ADAM12: variants seen among roughly 807,000 people sequenced by gnomAD.
The protein encoded by ADAM12 is disintegrin and metalloproteinase domain-containing protein 12.
ADAM12 carries 70 observed loss-of-function variants against 106.4 expected under a neutral mutation model. The ratio of observed to expected loss-of-function variants is 0.66; its 90% CI spans 0.54 to 0.80. ADAM12 has a LOEUF of 0.80. ADAM12 is among the 30% of genes least tolerant of loss of function. The probability of loss-of-function intolerance (pLI) is 0.00; values close to 1 mark genes in which losing one functional copy is unlikely to be tolerated. For missense variants in ADAM12, 1,010 were observed against 1,171.9 expected (o/e 0.86, Z 2.02); for synonymous variants, 420 against 433.5 (o/e 0.97, Z 0.39).
chr10:126,345,574 G>A (rs374051165), intron 1 of ADAM12, among the ~76,000 whole-genome samples: 44 of 152,162 alleles, frequency 2.9e-4, no homozygotes, highest in African/African-American at 1.1e-3. Flanking sequence ...TTTTCTATTG[G>A]TTGGAATAGT....
At chr10:126,369,157 A>G (rs560424997) in intron 1 of ADAM12, among the ~76,000 whole-genome samples, 2 of 152,308 alleles carry the variant, frequency 1.3e-5, no homozygotes, top group African/African-American at 2.4e-5. Flanking sequence ...GTGAAAATTC[A>G]TTTACATGAA....
intron 5 of ADAM12, among the ~76,000 whole-genome samples, chr10:126,130,618 G>A (rs1475479919): frequency 1.3e-5 from 2 of 152,192 alleles, no homozygotes; most frequent in Admixed American, 1.3e-4. Flanking sequence ...GCAGAGTCTG[G>A]CCAGCGAGGT....
rs375838432 is a variant in ADAM12 at position 126,369,557 on chromosome 10, A to G, written c.88+18501T>C. ...AGTGTTGGAGTGAGAGTGGGAAAAG[A>G]ACTGTCAGGCAAAGGCAATGAAGAC... On this transcript the variant is annotated intron_variant, in intron 1 of 22. Transcript: ENST00000448723. 1.4e-4 allele frequency among the ~76,000 whole-genome samples: 21 copies of G among 152,276 alleles called. 2 individuals carry two copies. Among genetic ancestry groups the G allele is most frequent in the African/African-American group, 4.8e-4 (20 of 41,558 alleles).
chr10:126,148,867 C>A (rs1280999479), intron 4 of ADAM12, among the ~76,000 whole-genome samples: 3 of 88 alleles, frequency 0.034, no homozygotes, highest in Non-Finnish European at 0.02. Flanking sequence ...TTCTTCCCAG[C>A]CAAAAGCCTC....
At chr10:126,295,870 C>T (rs1393662289) in intron 2 of ADAM12, among the ~76,000 whole-genome samples, 1 of 150,476 alleles carries the variant, frequency 6.6e-6, no homozygotes, top group South Asian at 2.1e-4. Context: ...TAAAAATGAA[C>T]CACTGTCATG....
At chr10:126,096,529 T>C (rs1955561772) in intron 10 of ADAM12, among the ~76,000 whole-genome samples, 1 of 152,260 alleles carries the variant, frequency 6.6e-6, no homozygotes, top group African/African-American at 2.4e-5. Context: ...ACAATCCTGT[T>C]TTCAATTTTA....
chr10:126,379,791 T>C (rs1055151731), intron 1 of ADAM12, among the ~76,000 whole-genome samples: 3 of 152,130 alleles, frequency 2.0e-5, no homozygotes, highest in Non-Finnish European at 4.4e-5. Flanking sequence ...CACATTCAGA[T>C]TCAAGTGAGC....
rs1009335597 is a variant in ADAM12 at position 126,293,139 on chromosome 10, C to A, written c.187-14151G>T. Among the ~76,000 whole-genome samples the A allele has an allele frequency of 3.9e-5, 6 of 152,152 alleles. No homozygotes were observed. In the East Asian group the frequency reaches 1.2e-3, roughly 29 times the overall value. The stretch of plus-strand genomic sequence containing the variant: ...ATCACTGGCATGGCCCCAAAGTGGG[C>A]GCCATCCAGTGCTGTCAATTTGATT... On this transcript the variant is annotated intron_variant, in intron 2 of 22. Transcript: ENST00000448723.
At position 126,135,019 on chromosome 10, in the gene ADAM12, C is replaced by T. The variant is rs191530519; in HGVS notation, c.416+565G>A. Among the ~76,000 whole-genome samples the T allele has an allele frequency of 3.3e-5, 5 of 152,338 alleles. No individual in the cohort carries two copies. In the East Asian group the frequency reaches 9.6e-4, roughly 29 times the overall value. Reference sequence around the variant, plus strand: ...CCAATAACTGTGATGTGGAAGGAAGCGGGCTGTGAGTAACACCTGGGGTTG... The same window carrying T: ...CCAATAACTGTGATGTGGAAGGAAGTGGGCTGTGAGTAACACCTGGGGTTG... On this transcript the variant is annotated intron_variant, in intron 5 of 22. Coordinates refer to ENST00000448723, the MANE Select transcript of ADAM12 (RefSeq NM_001288973.2).
chr10:126,322,684 C>T (rs1027843978), intron 2 of ADAM12, among the ~76,000 whole-genome samples: 1 of 152,230 alleles, frequency 6.6e-6, no homozygotes, highest in Non-Finnish European at 1.5e-5. Context: ...CCATCACCAT[C>T]TCCTTTACAG....
chr10:126,318,562 A>ACTCACACAATCT (rs1564730028), intron 2 of ADAM12, among the ~76,000 whole-genome samples: 2 of 150,798 alleles, frequency 1.3e-5, no homozygotes, highest in Admixed American at 1.3e-4. Flanking sequence ...TCACATTCAC[A>ACTCACACAATCT]CTCACACACT....
intron 3 of ADAM12, among the ~76,000 whole-genome samples, chr10:126,170,358 C>T (rs994534243): frequency 2.0e-5 from 3 of 150,580 alleles, no homozygotes; most frequent in Admixed American, 6.6e-5. Context: ...GCCCACGGAG[C>T]AGTTCAATTC....
intron 1 of ADAM12, among the ~76,000 whole-genome samples, chr10:126,336,584 T>C (rs1854707019): frequency 6.6e-6 from 1 of 152,136 alleles, no homozygotes; most frequent in African/African-American, 2.4e-5. Flanking sequence ...CTCTCCAGCA[T>C]ACTCTAGAAA....
At chr10:126,120,943 A>ATATGTAATATAATATATATTATATTACG (rs1166876748) in intron 5 of ADAM12, among the ~76,000 whole-genome samples, 3 of 138,572 alleles carry the variant, frequency 2.2e-5, no homozygotes, top group Admixed American at 8.0e-5. Context: ...TATATATTAC[A>ATATGTAATATAATATATATTATATTACG]TATGTAATAT....
At chr10:126,293,893 C>G (rs1960261168) in intron 2 of ADAM12, among the ~76,000 whole-genome samples, 1 of 152,194 alleles carries the variant, frequency 6.6e-6, no homozygotes, top group African/African-American at 2.4e-5. Flanking sequence ...TAGAGCTCTT[C>G]TCTCCAATCT....
At chr10:126,203,339 G>A (rs1200918186) in intron 3 of ADAM12, among the ~76,000 whole-genome samples, 1 of 152,178 alleles carries the variant, frequency 6.6e-6, no homozygotes, top group Non-Finnish European at 1.5e-5. Context: ...GTCTGAAGGA[G>A]AAGAAATAGC....
intron 3 of ADAM12, among the ~76,000 whole-genome samples, chr10:126,163,090 G>T (rs1243452605): frequency 6.6e-6 from 1 of 152,178 alleles, no homozygotes; most frequent in Non-Finnish European, 1.5e-5. Flanking sequence ...CACCATGACT[G>T]CAAGCTTTCT....
At chr10:126,128,177 C>G (rs1956237105) in intron 5 of ADAM12, among the ~76,000 whole-genome samples, 1 of 152,008 alleles carries the variant, frequency 6.6e-6, no homozygotes, top group South Asian at 2.1e-4. Flanking sequence ...CTGCTCGTGG[C>G]TTGTGTGAGC....
chr10:126,039,703 C>T (rs1386042943), intron 18 of ADAM12, among the ~76,000 whole-genome samples: 2 of 152,164 alleles, frequency 1.3e-5, no homozygotes, highest in Admixed American at 1.3e-4. Flanking sequence ...CGCAGGTTCC[C>T]TGAGGCGTGA....
Sources: allele counts gnomAD v4.1 joint callset (sites outside exome capture counted in the v4.1 genomes callset), GRCh38; gene constraint gnomAD v4.1.1; transcripts MANE v1.5; gene names NCBI Gene and HGNC (gene_info 2026-07-23, HGNC 2026-07-21).